Variants in C13orf46 observed in about 807,000 individuals in gnomAD.
C13orf46 encodes the protein chromosome 13 open reading frame 46.
chr13:113,939,349 C>A, the C13orf46 span, among the ~76,000 whole-genome samples: 1 of 148,510 alleles, frequency 6.7e-6, no homozygotes, highest in African/African-American at 2.6e-5. Context: ...AGGACAGAGA[C>A]CACCCGATGG....
downstream of C13orf46, among the ~76,000 whole-genome samples, chr13:113,950,078 A>T (rs2052482996): frequency 1.1e-5 from 1 of 89,982 alleles, no homozygotes; most frequent in Non-Finnish European, 2.3e-5. Context: ...ACCTCAATGC[A>T]CCCATCTGTA....
intron 5 of C13orf46, among the ~76,000 whole-genome samples, chr13:113,965,936 T>G (rs1399841195): frequency 6.7e-6 from 1 of 150,056 alleles, no homozygotes; most frequent in African/African-American, 2.4e-5. Flanking sequence ...ATGATGATTA[T>G]GATGGTGATG....
chr13:113,926,638 G>A, the C13orf46 span: 2 of 152,358 alleles, frequency 1.3e-5, no homozygotes, highest in South Asian at 4.1e-4. Context: ...TAATGGGGAT[G>A]AGCTGTTGTT....
chr13:113,964,355 G>A (rs2052616871), intron 6 of C13orf46, among the ~76,000 whole-genome samples: 2 of 152,100 alleles, frequency 1.3e-5, no homozygotes, highest in South Asian at 4.1e-4. Context: ...CCATCTTCAG[G>A]GCCTCGGGCC....
the C13orf46 span, among the ~76,000 whole-genome samples, chr13:113,938,708 G>T: frequency 2.0e-5 from 3 of 152,160 alleles, no homozygotes. Flanking sequence ...ACTGGGAGTC[G>T]CTCCCTTCCA....
chr13:113,959,278 A>C (rs1227150515), intron 6 of C13orf46, among the ~76,000 whole-genome samples: 4 of 152,172 alleles, frequency 2.6e-5, no homozygotes, highest in African/African-American at 9.7e-5. Context: ...CTCAAAAAAG[A>C]AAAGGAAAAG....
intron 6 of C13orf46, among the ~76,000 whole-genome samples, chr13:113,957,252 A>G (rs1369316618): frequency 1.9e-5 from 2 of 107,484 alleles, no homozygotes; most frequent in South Asian, 3.0e-4. Context: ...TCTCCCCTGC[A>G]CTCTGCATGC....
At chr13:113,936,805 C>T in the C13orf46 span, among the ~76,000 whole-genome samples, 1 of 151,996 alleles carries the variant, frequency 6.6e-6, no homozygotes, top group Non-Finnish European at 1.5e-5. Context: ...CTGACCGGTC[C>T]AGGGGGGGAA....
the C13orf46 span, among the ~76,000 whole-genome samples, chr13:113,935,745 TA>T: frequency 6.6e-6 from 1 of 152,200 alleles, no homozygotes; most frequent in Non-Finnish European, 1.5e-5. Flanking sequence ...TTTTCATTTT[TA>T]CACTGAACTT....
chr13:113,959,557 C>T (rs1466244610), intron 6 of C13orf46, among the ~76,000 whole-genome samples: 1 of 152,124 alleles, frequency 6.6e-6, no homozygotes, highest in Admixed American at 6.6e-5. Flanking sequence ...ACATGGAGCC[C>T]TTCTAGATGG....
chr13:113,951,555 G>A (rs917126942), downstream of C13orf46, among the ~76,000 whole-genome samples: 1 of 152,030 alleles, frequency 6.6e-6, no homozygotes, highest in Admixed American at 6.6e-5. Context: ...GCATAGAGGG[G>A]CCCAGCCAGG....
At chr13:113,973,016 C>T (rs1247257368) in intron 1 of C13orf46, among the ~76,000 whole-genome samples, 1 of 152,220 alleles carries the variant, frequency 6.6e-6, no homozygotes, top group Non-Finnish European at 1.5e-5. Flanking sequence ...GTTCCGAGCA[C>T]AGGGCAGCGG....
intron 5 of C13orf46, among the ~76,000 whole-genome samples, chr13:113,966,162 GTGGTGATGGTGATGATGATGA>G (rs2052644186): frequency 2.1e-5 from 2 of 96,672 alleles, no homozygotes. Flanking sequence ...GACGGTGATA[GTGGTGATGGTGATGATGATGA>G]TGGTGATGAT....
chr13:113,943,297 T>G, the C13orf46 span, among the ~76,000 whole-genome samples: 1 of 152,296 alleles, frequency 6.6e-6, no homozygotes, highest in South Asian at 2.1e-4. Flanking sequence ...AGAATGAGAC[T>G]TCAGGCAATA....
intron 6 of C13orf46, among the ~76,000 whole-genome samples, chr13:113,959,371 T>C (rs2138980966): frequency 6.6e-6 from 1 of 152,282 alleles, no homozygotes; most frequent in Admixed American, 6.6e-5. Flanking sequence ...TGAGGTTGTC[T>C]GATTGGGTAG....
chr13:113,963,377 G>A (rs1326926094), intron 6 of C13orf46, among the ~76,000 whole-genome samples: 1 of 85,774 alleles, frequency 1.2e-5, no homozygotes, highest in Non-Finnish European at 2.3e-5. Flanking sequence ...AGCCTCTCCC[G>A]TCCTCAGCCT....
intron 5 of C13orf46, among the ~76,000 whole-genome samples, chr13:113,966,489 G>A (rs1294497641): frequency 6.6e-6 from 1 of 151,668 alleles, no homozygotes; most frequent in Non-Finnish European, 1.5e-5. Context: ...TGATGATGAT[G>A]GTGATGGTGA....
chr13:113,936,994 T>C, the C13orf46 span, among the ~76,000 whole-genome samples: 2 of 152,204 alleles, frequency 1.3e-5, no homozygotes, highest in African/African-American at 4.8e-5. Context: ...CTCGTCCTCG[T>C]AGCCTAGTGG....
chr13:113,966,530 T>C (rs1271750885), intron 5 of C13orf46, among the ~76,000 whole-genome samples: 1 of 151,194 alleles, frequency 6.6e-6, no homozygotes, highest in Non-Finnish European at 1.5e-5. Context: ...GTGAAGGTGA[T>C]GATGGTAATA....
Sources: gnomAD v4.1 joint callset for allele counts (sites outside exome capture counted in the v4.1 genomes callset) on GRCh38, gnomAD v4.1.1 for gene constraint, MANE v1.5 for transcripts, NCBI Gene and HGNC (gene_info 2026-07-23, HGNC 2026-07-21) for gene names.